IGF2R: variants seen among roughly 807,000 people sequenced by gnomAD.
The protein encoded by IGF2R is cation-independent mannose-6-phosphate receptor.
In IGF2R, 91 loss-of-function variants were observed where a neutral mutation model predicts 270.6. That is an observed-to-expected ratio of 0.34 (90% CI 0.28 to 0.40). The LOEUF (loss-of-function observed/expected upper bound fraction) is 0.40, where lower values mean the gene tolerates loss of function less well. IGF2R is among the 10% of genes least tolerant of loss of function. The pLI, the probability that IGF2R is intolerant of heterozygous loss-of-function variation, is 1.00. For synonymous variants in IGF2R, 1,316 were observed against 1,258.9 expected (o/e 1.05, Z -0.96); for missense variants, 2,805 against 3,188.3 (o/e 0.88, Z 2.90).
At position 160,046,597 on chromosome 6, in the gene IGF2R, C is replaced by T; in HGVS notation, c.2003C>T (p.Ser668Phe). ...TATATAAATGTGTGTGGCCCGGTGT[C>T]TGTGAGCCCCTGTCAGCCAGACTCA... is the stretch of plus-strand genomic sequence containing the variant. ...DFYINVCGPV[S>F]VSPCQPDSGA... The change falls in exon 15 of 48, where the codon TCT becomes TTT. Residue 668 changes from serine (S) to phenylalanine (F), a missense_variant. Ser to Phe is a radical substitution (Grantham distance 155). Transcript: ENST00000356956. 6.2e-7 allele frequency: 1 copy of T among 1,613,816 alleles called. No individual in the cohort carries two copies. The highest frequency in any genetic ancestry group is 1.1e-5 in the South Asian group (1 of 91,022).
chr6:160,054,648 G>A (rs1425524995), intron 19 of IGF2R, among the ~76,000 whole-genome samples: 1 of 152,180 alleles, frequency 6.6e-6, no homozygotes, highest in Non-Finnish European at 1.5e-5. Flanking sequence ...GGACAGGAAT[G>A]CAATTTTTAA....
At chr6:160,062,096 G>A (rs538106798) in intron 25 of IGF2R, among the ~76,000 whole-genome samples, 168 bp downstream of exon 25, 1 of 151,108 alleles carries the variant, frequency 6.6e-6, no homozygotes, top group East Asian at 1.9e-4. Context: ...GGTCTTAAAT[G>A]TTTAATAAAT....
Position 159,999,645 on chromosome 6 carries a change from C to T in IGF2R, c.289+8322C>T, listed in dbSNP as rs550727827. Among the ~76,000 whole-genome samples, 6 of 152,238 alleles carry T rather than the reference C, an allele frequency of 3.9e-5. No individual in the cohort carries two copies. In the South Asian group the frequency reaches 6.2e-4, roughly 16 times the overall value. On this transcript the variant is annotated intron_variant, in intron 2 of 47. Transcript: ENST00000356956. ...AACAACCACAAGAACTGGAGCTCCC[C>T]GCAGATCAGAGGAACAGAAGAGCTA... is the stretch of plus-strand genomic sequence containing the variant.
At chr6:160,075,792 A>G (rs1778843646) in intron 35 of IGF2R, 55 bp from the exon 36 acceptor site, 2 of 1,579,834 alleles carry the variant, frequency 1.3e-6, no homozygotes, top group African/African-American at 1.3e-5. Context: ...TAATTCCACT[A>G]ACCTTGGGAA....
chr6:159,996,743 A>G (rs1053463949), intron 2 of IGF2R, among the ~76,000 whole-genome samples: 1 of 152,148 alleles, frequency 6.6e-6, no homozygotes, highest in African/African-American at 2.4e-5. Context: ...GCTTACCACC[A>G]ATGTGTCTTC....
At chr6:160,094,200 T>TCA (rs1779295324) in intron 44 of IGF2R, 1 of 352,374 alleles carries the variant, frequency 2.8e-6, no homozygotes, top group Non-Finnish European at 5.5e-6. Flanking sequence ...GTACACCCAG[T>TCA]CTATTTCTTC....
intron 35 of IGF2R, among the ~76,000 whole-genome samples, chr6:160,074,349 G>A (rs1315272501): frequency 3.9e-5 from 6 of 152,244 alleles, no homozygotes. Context: ...AAACGCTTGC[G>A]AAATGCAAAC....
At chr6:160,014,922 T>G (rs1245297793) in intron 4 of IGF2R, among the ~76,000 whole-genome samples, 1 of 152,222 alleles carries the variant, frequency 6.6e-6, no homozygotes, top group African/African-American at 2.4e-5. Flanking sequence ...ACTTCCTCCA[T>G]TATTAGTAGA....
Position 160,043,304 on chromosome 6 carries a change from A to G in IGF2R, c.1621+16A>G. 1 of 1,609,338 alleles carries G rather than the reference A, an allele frequency of 6.2e-7. No individual in the cohort carries two copies. The stretch of plus-strand genomic sequence containing the variant: ...TGTGCAGTGGGTGAGTTGTGCCTGG[A>G]TGGAAGATCTAGGTGATGCTTTTCT... On this transcript the variant is annotated intron_variant, in intron 12 of 47. Transcript: ENST00000356956.
At chr6:160,058,801 TAAG>T (rs1778367166) in intron 21 of IGF2R, 102 bp from the exon 22 acceptor site, 3 of 1,000,416 alleles carry the variant, frequency 3.0e-6, no homozygotes, top group Non-Finnish European at 4.5e-6. Flanking sequence ...AACTAACAAA[TAAG>T]AAATGTTTAA....
At chr6:160,064,741 C>A in intron 28 of IGF2R, 63 bp from the exon 29 acceptor site, 1 of 1,258,338 alleles carries the variant, frequency 7.9e-7, no homozygotes, top group Non-Finnish European at 1.2e-6. Context: ...ATTCTTAAAA[C>A]TCAAAGTATA....
At chr6:160,103,882 C>T (rs8191950) in intron 47 of IGF2R, 67 bp downstream of exon 47, 13 of 1,097,356 alleles carry the variant, frequency 1.2e-5, no homozygotes, top group African/African-American at 9.2e-5. Context: ...CTGTCCATGT[C>T]GTTCTCATCA....
At position 160,047,240 on chromosome 6, in the gene IGF2R, C is replaced by T. The variant is rs768222997; in HGVS notation, c.2133C>T (p.Gly711=). 5.6e-6 allele frequency: 9 copies of T among 1,613,782 alleles called. No homozygotes were observed. Among genetic ancestry groups the T allele is most frequent in the East Asian group, 2.2e-5 (1 of 44,894 alleles). The part of the protein sequence containing the change: ...YDGMIQLNYR[G]GTPYNNERHT... ...GGATGATCCAACTGAACTACAGAGG[C>T]GGCACACCCTATAACAATGAAAGAC... The change falls in exon 16 of 48, where the codon GGC becomes GGT. Residue 711 remains glycine (G), a synonymous_variant. Transcript: ENST00000356956.
At chr6:160,078,102 G>A (rs895552332) in intron 36 of IGF2R, 99 bp from the exon 37 acceptor site, 5 of 1,186,410 alleles carry the variant, frequency 4.2e-6, no homozygotes, top group African/African-American at 1.5e-5. Context: ...CTGAGAGGCC[G>A]CTGTGGGTTA....
intron 1 of IGF2R, among the ~76,000 whole-genome samples, chr6:159,982,994 AG>A (rs1783828878): frequency 6.6e-6 from 1 of 152,210 alleles, no homozygotes; most frequent in South Asian, 2.1e-4. Context: ...AAACTCTGAG[AG>A]GTGTCATATT....
intron 45 of IGF2R, among the ~76,000 whole-genome samples, chr6:160,101,731 C>T (rs1048107769): frequency 6.6e-6 from 1 of 152,270 alleles, no homozygotes; most frequent in Non-Finnish European, 1.5e-5. Context: ...CAAGTCGTTA[C>T]ACTCTTGAGT....
In IGF2R at chr6:160,067,125, C is replaced by T. The variant is rs535269202; in HGVS notation, c.4116-1124C>T. ...TTCTTCCTCTGATGGACATGACCCC[C>T]GTGTTGTCTCTAATAACCTCACTTT... On this transcript the variant is annotated intron_variant, in intron 29 of 47. Coordinates refer to ENST00000356956, the MANE Select transcript of IGF2R (RefSeq NM_000876.4). 3.9e-5 allele frequency among the ~76,000 whole-genome samples: 6 copies of T among 152,206 alleles called. No individual in the cohort carries two copies. In the East Asian group the frequency reaches 5.8e-4, roughly 15 times the overall value.
chr6:160,009,196 T>G, intron 3 of IGF2R, 62 bp downstream of exon 3: 3 of 1,490,020 alleles, frequency 2.0e-6, no homozygotes, highest in Non-Finnish European at 9.1e-7. Flanking sequence ...CCCTTGGTGT[T>G]CTGGCTGTAG....
intron 27 of IGF2R, 60 bp downstream of exon 27, chr6:160,063,690 T>C (rs539667385): frequency 7.5e-7 from 1 of 1,335,436 alleles, no homozygotes; most frequent in African/African-American, 1.5e-5. Context: ...TATTAAAATA[T>C]TTTGCTGAAG....
Sources: allele counts gnomAD v4.1 joint callset (sites outside exome capture counted in the v4.1 genomes callset), GRCh38; gene constraint gnomAD v4.1.1; transcripts MANE v1.5; gene names NCBI Gene and HGNC (gene_info 2026-07-23, HGNC 2026-07-21).